Variants in UBN1 observed in about 807,000 individuals in gnomAD.
UBN1 encodes the protein ubinuclein-1.
UBN1 carries 17 observed loss-of-function variants against 108.5 expected under a neutral mutation model. That is an observed-to-expected ratio of 0.16 (90% CI 0.11 to 0.24). The LOEUF is 0.24. Among genes scored for constraint, UBN1 ranks in the 10% least tolerant of loss-of-function variants. The pLI is 1.00. For synonymous variants in UBN1, 726 were observed against 564.2 expected, an observed-to-expected ratio of 1.29 and a Z score of -4.07; for missense variants, 1,595 against 1,394.4, an observed-to-expected ratio of 1.14 and a Z score of -2.29.
chr16:4,873,142 C>G (rs779526829), intron 14 of UBN1, 69 bp downstream of exon 14: 36 of 1,598,008 alleles, frequency 2.3e-5, no homozygotes, highest in Non-Finnish European at 3.0e-5. Context: ...TGGAAACAGT[C>G]AAGTGACTGT....
intron 15 of UBN1, among the ~76,000 whole-genome samples, chr16:4,876,371 T>A (rs923484055): frequency 6.6e-6 from 1 of 152,202 alleles, no homozygotes; most frequent in African/African-American, 2.4e-5. Context: ...CTAAGCTCTT[T>A]AGTTTCTGGT....
intron 6 of UBN1, 27 bp downstream of exon 6, chr16:4,859,995 G>T: frequency 6.2e-7 from 1 of 1,613,426 alleles, no homozygotes; most frequent in South Asian, 1.1e-5. Context: ...TCTTTGCTAG[G>T]ATAAAGCCTG....
chr16:4,855,444 A>C (rs948728282), intron 2 of UBN1, among the ~76,000 whole-genome samples: 1 of 151,906 alleles, frequency 6.6e-6, no homozygotes, highest in Non-Finnish European at 1.5e-5. Context: ...GTGAAACTCC[A>C]TCTGTGCAAA....
rs1187468966 is a variant in UBN1, at chr16:4,847,648, G to GC, written c.-599dup. 2 of 230,254 alleles carry GC rather than the reference G, an allele frequency of 8.7e-6. No individual in the cohort carries two copies. Among genetic ancestry groups the GC allele is most frequent in the African/African-American group, 4.7e-5 (2 of 42,800 alleles). The allele number at this position is 230,254 out of a possible 1,614,324, so 14.3% of individuals were successfully genotyped here. ...CCTCCCCTCTCGGCGCTTCCGTTAC[G>GC]CCCGTTGGTCCGGCGCGGGCCCCGG... On this transcript the variant is annotated 5_prime_UTR_variant, in exon 1 of 18. Transcript: ENST00000262376.
In UBN1 at chr16:4,881,568, C is replaced by T. The variant is rs1351108050; in HGVS notation, c.*1436C>T. ...ACGGACCGCTCTTGGCTCCTGACTCCCAGGGTACAGCGCCCAGTAACTCAT... is the reference window on the plus strand; with the variant it reads ...ACGGACCGCTCTTGGCTCCTGACTCTCAGGGTACAGCGCCCAGTAACTCAT... On this transcript the variant is annotated 3_prime_UTR_variant, in exon 18 of 18. Coordinates refer to ENST00000262376, the MANE Select transcript of UBN1 (RefSeq NM_001079514.3). 1 of 152,130 alleles carries T rather than the reference C, an allele frequency of 6.6e-6. No homozygotes were observed. Among genetic ancestry groups the T allele is most frequent in the Non-Finnish European group, 1.5e-5 (1 of 68,034 alleles). The allele number at this position is 152,130 out of a possible 1,614,324, so 9.4% of individuals were successfully genotyped here.
chr16:4,850,482 G>T (rs566050157), intron 1 of UBN1, among the ~76,000 whole-genome samples: 3 of 152,316 alleles, frequency 2.0e-5, no homozygotes, highest in African/African-American at 7.2e-5. Flanking sequence ...TTCTATCAGT[G>T]GGGGAATCTG....
At chr16:4,857,356 A>C (rs1324441708) in intron 2 of UBN1, among the ~76,000 whole-genome samples, 1 of 151,626 alleles carries the variant, frequency 6.6e-6, no homozygotes, top group African/African-American at 2.4e-5. Flanking sequence ...TATCTCAAAA[A>C]AAAAAAAAAA....
rs1197866926 is a variant in UBN1, at chr16:4,880,201, A to G, written c.*69A>G. 1 of 1,521,782 alleles carries G rather than the reference A, an allele frequency of 6.6e-7. No individual in the cohort carries two copies. The highest frequency in any genetic ancestry group is 9.1e-7 in the Non-Finnish European group (1 of 1,096,604). 94.3% of individuals were successfully genotyped at this position (1,521,782 alleles called of 1,614,324 possible). The stretch of plus-strand genomic sequence containing the variant: ...AGAACGTGCAGGTCTCCCAGGATGT[A>G]CACTCACTGCGCCCTTTCTGCTGCT... On this transcript the variant is annotated 3_prime_UTR_variant, in exon 18 of 18. Coordinates refer to ENST00000262376, the MANE Select transcript of UBN1 (RefSeq NM_001079514.3).
At chr16:4,863,533 A>G (rs2087168605) in intron 7 of UBN1, among the ~76,000 whole-genome samples, 1 of 152,172 alleles carries the variant, frequency 6.6e-6, no homozygotes, top group Non-Finnish European at 1.5e-5. Context: ...GCATTTTTAA[A>G]ATTTAAAGTA....
chr16:4,872,087 G>T (rs2142256304), intron 12 of UBN1: 13 of 644,130 alleles, frequency 2.0e-5, no homozygotes, highest in Non-Finnish European at 2.5e-5. Flanking sequence ...TCATACATGG[G>T]ACAGAGAAAG....
intron 12 of UBN1, 94 bp downstream of exon 12, chr16:4,871,395 A>G (rs1483172994): frequency 1.3e-6 from 2 of 1,520,592 alleles, no homozygotes; most frequent in Admixed American, 4.0e-5. Context: ...GCTCACAGGG[A>G]GTCACTGTCT....
rs914057030 is a variant in UBN1 at position 4,877,787 on chromosome 16, T to C, written c.3355+313T>C. 6 of 1,080,616 alleles carry C rather than the reference T, an allele frequency of 5.6e-6. No homozygotes were observed. The African/African-American group carries it at 8.5e-5, about 15-fold the overall frequency. 66.9% of individuals were successfully genotyped at this position (1,080,616 alleles called of 1,614,324 possible). ...GTTCCTAACCCTCGGCTTGTTTTTT[T>C]CTCTTCAGTTTAAAAAAAAAAAAAA... On this transcript the variant is annotated intron_variant, in intron 17 of 17. Transcript: ENST00000262376. The surrounding 1 kb of genome is among the most constrained non-coding windows in gnomAD (Gnocchi z 4.3).
At chr16:4,872,343 A>G in intron 12 of UBN1, 1 of 985,262 alleles carries the variant, frequency 1.0e-6, no homozygotes, top group Non-Finnish European at 1.2e-6. Flanking sequence ...AGGCAGAGCC[A>G]TACATTTTCT....
At chr16:4,849,857 A>G (rs2086458763) in intron 1 of UBN1, among the ~76,000 whole-genome samples, 1 of 147,424 alleles carries the variant, frequency 6.8e-6, no homozygotes, top group Admixed American at 7.0e-5. Context: ...TTAGCCTCCC[A>G]AAGTGCTGGG....
At chr16:4,860,073 G>T (rs960453909) in intron 6 of UBN1, 105 bp downstream of exon 6, 4 of 1,470,532 alleles carry the variant, frequency 2.7e-6, no homozygotes, top group Admixed American at 4.3e-5. Context: ...AGGCAGCAGG[G>T]CCTGGCCTTC....
At chr16:4,858,119 G>A in intron 3 of UBN1, 43 bp downstream of exon 3, 1 of 1,351,836 alleles carries the variant, frequency 7.4e-7, no homozygotes, top group East Asian at 2.3e-5. Context: ...TCATTGGGTG[G>A]GAGACGTTTC....
chr16:4,852,848 T>C, intron 1 of UBN1, 31 bp from the exon 2 acceptor site: 1 of 1,522,506 alleles, frequency 6.6e-7, no homozygotes, highest in South Asian at 1.3e-5. Flanking sequence ...TCATCTTCGT[T>C]TGACCTGGCC....
At position 4,874,268 on chromosome 16, in the gene UBN1, C is replaced by A; in HGVS notation, c.1858C>A (p.Pro620Thr). The change falls in exon 15 of 18, where the codon CCC (proline) becomes ACC (threonine). Residue 620 changes from proline to threonine, a missense_variant. By Grantham distance (38) the Pro-to-Thr change is conservative. Coordinates refer to ENST00000262376, the MANE Select transcript of UBN1 (RefSeq NM_001079514.3). ...VSVPSGQIGG[P>T]IALPSDHQTG... ...TGTCCCATCAGGACAGATTGGTGGCCCCATTGCTTTGCCCTCAGATCACCA... is the reference window on the plus strand; with the variant it reads ...TGTCCCATCAGGACAGATTGGTGGCACCATTGCTTTGCCCTCAGATCACCA... 1 of 1,612,030 alleles carries A rather than the reference C, an allele frequency of 6.2e-7. No individual in the cohort carries two copies. Among genetic ancestry groups the A allele is most frequent in the Non-Finnish European group, 8.5e-7 (1 of 1,178,856 alleles).
chr16:4,874,003 G>A (rs1380197130), intron 14 of UBN1, among the ~76,000 whole-genome samples: 1 of 152,116 alleles, frequency 6.6e-6, no homozygotes, highest in East Asian at 1.9e-4. Flanking sequence ...ACCCAGCCCT[G>A]GCCAACCAGA....
Sources: allele counts gnomAD v4.1 joint callset (sites outside exome capture counted in the v4.1 genomes callset), GRCh38; gene constraint gnomAD v4.1.1; non-coding constraint Gnocchi (gnomAD v3.1); transcripts MANE v1.5; gene names NCBI Gene and HGNC (gene_info 2026-07-23, HGNC 2026-07-21).